ADGB: variants seen among roughly 807,000 people sequenced by gnomAD.
ADGB encodes the protein calpain-7-like protein.
ADGB carries 172 observed loss-of-function variants against 210.5 expected under a neutral mutation model. The observed-to-expected ratio is 0.82, with a 90% CI of 0.72 to 0.93. ADGB has a LOEUF of 0.93. Ranked by LOEUF, ADGB falls within the 40% of genes least tolerant of loss-of-function variation. The probability of loss-of-function intolerance (pLI) is 0.00; values close to 1 mark genes in which losing one functional copy is unlikely to be tolerated. For synonymous variants in ADGB, 658 were observed against 662.7 expected (o/e 0.99, Z 0.11); for missense variants, 2,025 against 1,964.8 (o/e 1.03, Z -0.58).
At chr6:146,729,321 CTCT>C (rs1562285304) in intron 20 of ADGB, among the ~76,000 whole-genome samples, 2 of 152,216 alleles carry the variant, frequency 1.3e-5, no homozygotes, top group African/African-American at 2.4e-5. Flanking sequence ...TTATTATTCT[CTCT>C]TCTTCAATTT....
rs149042099 is a variant in ADGB, at chr6:146,760,394, A to G, written c.3551-3507A>G. ...GACACCGGCTTCTTTTGCTCAGCAT[A>G]ATGTTTTTAAGTTATATCCATGTTA... On this transcript the variant is annotated intron_variant, in intron 27 of 35. Coordinates refer to ENST00000397944, the MANE Select transcript of ADGB (RefSeq NM_024694.4). Among the ~76,000 whole-genome samples the G allele has an allele frequency of 5.3e-5, 8 of 151,872 alleles. No homozygotes were observed. In the East Asian group the frequency reaches 1.5e-3, roughly 29 times the overall value.
At chr6:146,621,933 G>GTAT (rs1780901058) in intron 1 of ADGB, among the ~76,000 whole-genome samples, 1 of 151,920 alleles carries the variant, frequency 6.6e-6, no homozygotes, top group Admixed American at 6.6e-5. Flanking sequence ...ATATCATATG[G>GTAT]TATTATATGT....
intron 4 of ADGB, 25 bp downstream of exon 4, chr6:146,654,231 G>A: frequency 6.7e-7 from 1 of 1,490,966 alleles, no homozygotes; most frequent in Non-Finnish European, 9.1e-7. Context: ...ATGAACTAAA[G>A]TCTCACCATG....
chr6:146,752,556 A>C lies in ADGB; in HGVS notation c.3392A>C (p.Gln1131Pro). ...TATTCGGTTAAAGTTCTAACACCAC[A>C]ACCTGCTACAATACAGGTACGCACA... ...FRYSVKVLTPQPATIQVRTSK... is the reference protein window; with the variant it reads ...FRYSVKVLTPPPATIQVRTSK... The change falls in exon 27 of 36, where the codon CAA becomes CCA. Residue 1131 changes from glutamine (Q) to proline (P), a missense_variant. By Grantham distance (76) the Gln-to-Pro change is moderately conservative. Transcript: ENST00000397944. 2 of 1,547,536 alleles carry C rather than the reference A, an allele frequency of 1.3e-6. No individual in the cohort carries two copies. The highest frequency in any genetic ancestry group is 1.7e-6 in the Non-Finnish European group (2 of 1,145,230).
intron 13 of ADGB, among the ~76,000 whole-genome samples, chr6:146,705,350 A>T (rs1468341998): frequency 6.6e-6 from 1 of 151,920 alleles, no homozygotes. Context: ...TCCTTGTCTT[A>T]CTCCTGATCT....
intron 2 of ADGB, chr6:146,639,551 G>C (rs1468636826): frequency 6.6e-6 from 1 of 151,858 alleles, no homozygotes; most frequent in Non-Finnish European, 1.5e-5. Context: ...AGGAATAAAG[G>C]GCACCCAAAT....
chr6:146,651,777 G>A (rs1775706579), intron 3 of ADGB, among the ~76,000 whole-genome samples: 1 of 152,082 alleles, frequency 6.6e-6, no homozygotes, highest in African/African-American at 2.4e-5. Context: ...TTAGATAAGT[G>A]AGCACTGTGC....
chr6:146,663,823 T>G (rs1432837306), intron 5 of ADGB, among the ~76,000 whole-genome samples: 1 of 152,082 alleles, frequency 6.6e-6, no homozygotes, highest in Non-Finnish European at 1.5e-5. Flanking sequence ...ATTTGGAGAA[T>G]TTGTATTTTG....
At chr6:146,777,470 C>A (rs1047098948) in intron 29 of ADGB, among the ~76,000 whole-genome samples, 7 of 152,090 alleles carry the variant, frequency 4.6e-5, no homozygotes, top group Admixed American at 4.6e-4. Flanking sequence ...TAATTATACT[C>A]TTCTAAAAGT....
At chr6:146,775,662 T>A (rs760601649) in intron 29 of ADGB, among the ~76,000 whole-genome samples, 4 of 152,138 alleles carry the variant, frequency 2.6e-5, no homozygotes, top group Non-Finnish European at 5.9e-5. Flanking sequence ...AAATATTTGG[T>A]TTCAAGTCTC....
chr6:146,721,079 C>T (rs1385032344), intron 16 of ADGB, among the ~76,000 whole-genome samples: 1 of 152,208 alleles, frequency 6.6e-6, no homozygotes. Flanking sequence ...GAGTACTACT[C>T]TGCCCTGGGC....
At chr6:146,752,907 G>A (rs1777344776) in intron 27 of ADGB, among the ~76,000 whole-genome samples, 193 bp downstream of exon 27, 1 of 151,938 alleles carries the variant, frequency 6.6e-6, no homozygotes, top group Non-Finnish European at 1.5e-5. Context: ...TTATTTTAAA[G>A]CCTTTTCATC....
rs570214638 is a variant in ADGB at position 146,781,493 on chromosome 6, C to T, written c.3863-527C>T. On this transcript the variant is annotated intron_variant, in intron 29 of 35. Transcript: ENST00000397944. ...GAATTAAAAAAAAAAACCGAGGATG[C>T]AGTAAAAGTAGTGTTGAGAGAAATA... Among the ~76,000 whole-genome samples the T allele has an allele frequency of 3.4e-5, 5 of 147,888 alleles. No homozygotes were observed. In the South Asian group the frequency reaches 8.5e-4, roughly 25 times the overall value.
Position 146,599,113 on chromosome 6 carries a change from G to C in ADGB, c.73G>C (p.Asp25His). Residue 25 changes from aspartate (D) to histidine (H), a missense_variant and splice_region_variant, in exon 1 of 36, where the codon GAT (aspartate) becomes CAT (histidine). Asp to His is a moderately conservative substitution (Grantham distance 81). Coordinates refer to ENST00000397944, the MANE Select transcript of ADGB (RefSeq NM_024694.4). The stretch of plus-strand genomic sequence containing the variant: ...GGCGCACGGATCGGATAAATCGAAA[G>C]AGTAAGGGACCTCTGCCTGTCCGTC... ...NSAHGSDKSKDFYPFGSNVQS... is the reference protein window; with the variant it reads ...NSAHGSDKSKHFYPFGSNVQS... The C allele has an allele frequency of 6.4e-7, 1 of 1,551,550 alleles. No homozygotes were observed. The highest frequency in any genetic ancestry group is 1.2e-5 in the South Asian group (1 of 84,068).
chr6:146,743,276 A>G (rs1777184226), intron 25 of ADGB, among the ~76,000 whole-genome samples: 1 of 152,246 alleles, frequency 6.6e-6, no homozygotes, highest in South Asian at 2.1e-4. Flanking sequence ...ATTACTAGAT[A>G]AATATACTAA....
intron 33 of ADGB, among the ~76,000 whole-genome samples, chr6:146,800,962 C>T (rs1440676194): frequency 6.6e-6 from 1 of 151,734 alleles, no homozygotes; most frequent in African/African-American, 2.4e-5. Flanking sequence ...TTTGTCATCT[C>T]CCTCATTTAA....
intron 28 of ADGB, among the ~76,000 whole-genome samples, chr6:146,766,458 A>T (rs1272599413): frequency 6.6e-6 from 1 of 151,184 alleles, no homozygotes; most frequent in Non-Finnish European, 1.5e-5. Context: ...ATTAAATTAA[A>T]TTAAATTAAA....
Position 146,795,444 on chromosome 6 carries a change from TAAAC to T in ADGB, c.4538-5735_4538-5732del, listed in dbSNP as rs575281467. ...TAATGTTCAGCATCTATAAGGAACT[TAAAC>T]AAATTTATAAGAGAAAAACAACCCC... On this transcript the variant is annotated intron_variant, in intron 33 of 35. Coordinates refer to ENST00000397944, the MANE Select transcript of ADGB (RefSeq NM_024694.4). Among the ~76,000 whole-genome samples the T allele has an allele frequency of 1.8e-3, 281 of 152,176 alleles. 1 individual carries two copies. Among genetic ancestry groups the T allele is most frequent in the African/African-American group, 6.6e-3 (276 of 41,516 alleles).
At chr6:146,749,196 A>G (rs1472069856) in intron 26 of ADGB, among the ~76,000 whole-genome samples, 2 of 152,146 alleles carry the variant, frequency 1.3e-5, no homozygotes, top group East Asian at 3.9e-4. Context: ...TAGAGGGGAG[A>G]AGCTCATTTG....
Sources: allele counts gnomAD v4.1 joint callset (sites outside exome capture counted in the v4.1 genomes callset), GRCh38; gene constraint gnomAD v4.1.1; transcripts MANE v1.5; gene names NCBI Gene and HGNC (gene_info 2026-07-23, HGNC 2026-07-21).